The following DENND1A variants were observed in gnomAD, a reference collection of about 807,000 sequenced individuals.
DENND1A encodes DENN domain-containing protein 1A.
DENND1A carries 51 observed loss-of-function variants against 113.7 expected under a neutral mutation model. The observed-to-expected ratio is 0.45, with a 90% CI of 0.36 to 0.57. DENND1A has a LOEUF of 0.57. Among genes scored for constraint, DENND1A ranks in the 20% least tolerant of loss-of-function variants. DENND1A has a pLI of 0.00. For missense variants in DENND1A, 1,258 were observed against 1,395.9 expected (o/e 0.90, Z 1.57); for synonymous variants, 565 against 570.8 (o/e 0.99, Z 0.14).
At chr9:123,512,456 A>G (rs1318255029) in intron 13 of DENND1A, among the ~76,000 whole-genome samples, 1 of 152,230 alleles carries the variant, frequency 6.6e-6, no homozygotes, top group Non-Finnish European at 1.5e-5. Flanking sequence ...GGGCAAGAAC[A>G]GCATCCTGGG....
intron 13 of DENND1A, among the ~76,000 whole-genome samples, chr9:123,538,819 T>C (rs1282760143): frequency 5.7e-5 from 4 of 70,534 alleles, no homozygotes; most frequent in Admixed American, 1.4e-4. Context: ...CATATATATA[T>C]ATATATATAT....
intron 13 of DENND1A, among the ~76,000 whole-genome samples, chr9:123,543,196 A>G (rs1417228782): frequency 6.6e-6 from 1 of 152,256 alleles, no homozygotes; most frequent in Non-Finnish European, 1.5e-5. Flanking sequence ...ATGGTCTCAG[A>G]GCAAGAAAAA....
At chr9:123,860,508 A>G (rs1844910347) in intron 2 of DENND1A, among the ~76,000 whole-genome samples, 1 of 152,220 alleles carries the variant, frequency 6.6e-6, no homozygotes, top group Non-Finnish European at 1.5e-5. Flanking sequence ...ACCTATTGTG[A>G]TTAAATAAAT....
At chr9:123,891,631 A>G (rs1849912465) in intron 1 of DENND1A, among the ~76,000 whole-genome samples, 1 of 152,206 alleles carries the variant, frequency 6.6e-6, no homozygotes, top group Non-Finnish European at 1.5e-5. Flanking sequence ...ATACACTTTA[A>G]TAATAATAAA....
At chr9:123,409,964 C>T (rs1311405303) in intron 20 of DENND1A, among the ~76,000 whole-genome samples, 1 of 152,122 alleles carries the variant, frequency 6.6e-6, no homozygotes, top group African/African-American at 2.4e-5. Flanking sequence ...TGGTGGCGGG[C>T]ACCTGTTGTC....
rs141810605 is a variant in DENND1A at position 123,637,443 on chromosome 9, GT to G, written c.619-6968del. On this transcript the variant is annotated intron_variant, in intron 9 of 23. Coordinates refer to ENST00000394215, the MANE Select transcript of DENND1A (RefSeq NM_001352964.2). ...GTGCCATGATTCAAACACTGCTGTG[GT>G]TTTTGTTTTGATTATAATTTATTCT... Among the ~76,000 whole-genome samples the G allele has an allele frequency of 3.0e-3, 462 of 152,206 alleles. 12 individuals carry two copies. In the East Asian group the frequency reaches 0.061, roughly 20 times the overall value.
Sources: allele counts gnomAD v4.1 joint callset (sites outside exome capture counted in the v4.1 genomes callset), GRCh38; gene constraint gnomAD v4.1.1; transcripts MANE v1.5; gene names NCBI Gene and HGNC (gene_info 2026-07-23, HGNC 2026-07-21).